Variants in CDC42SE1 observed in about 807,000 individuals in gnomAD.
CDC42SE1 encodes CDC42 small effector protein 1.
CDC42SE1 carries 10 observed loss-of-function variants against 10.9 expected under a neutral mutation model. That is an observed-to-expected ratio of 0.92 (90% CI 0.57 to 1.56). The LOEUF is 1.56. CDC42SE1 is among the 40% of genes most tolerant of loss of function. The pLI is 0.00. For missense variants in CDC42SE1, 81 were observed against 100.8 expected (o/e 0.80, Z 0.84); for synonymous variants, 24 against 32.0 (o/e 0.75, Z 0.85).
At chr1:151,056,221 G>A (rs1442529044) in intron 1 of CDC42SE1, among the ~76,000 whole-genome samples, 1 of 152,162 alleles carries the variant, frequency 6.6e-6, no homozygotes, top group East Asian at 1.9e-4. Context: ...GTGGTACCAA[G>A]GGAGAGGAAG....
chr1:151,054,718 G>T (rs923964231), intron 3 of CDC42SE1, among the ~76,000 whole-genome samples: 7 of 152,158 alleles, frequency 4.6e-5, no homozygotes, highest in African/African-American at 1.7e-4. Flanking sequence ...TGAGATAGCA[G>T]TTCTTAATTA....
rs373105300 is a variant in CDC42SE1 at position 151,055,142 on chromosome 1, A to G, written c.55-16T>C. 6.3e-7 allele frequency: 1 copy of G among 1,588,334 alleles called. No homozygotes were observed. The highest frequency in any genetic ancestry group is 1.3e-5 in the African/African-American group (1 of 74,194). The stretch of plus-strand genomic sequence containing the variant: ...TCTTCTTCTTCTGCTTGGAGAAGAT[A>G]AGGAGTCATGTCTTAAGGCCCCTCC... On this transcript the variant is annotated splice_polypyrimidine_tract_variant and intron_variant, in intron 2 of 4. Coordinates refer to ENST00000357235, the MANE Select transcript of CDC42SE1 (RefSeq NM_020239.4).
chr1:151,054,355 G>C, intron 3 of CDC42SE1, 34 bp from the exon 4 acceptor site: 1 of 1,511,854 alleles, frequency 6.6e-7, no homozygotes, highest in Non-Finnish European at 9.2e-7. Context: ...ACCTTCGTAA[G>C]TCTTCATATC....
intron 3 of CDC42SE1, 57 bp from the exon 4 acceptor site, chr1:151,054,378 C>A: frequency 7.2e-7 from 1 of 1,381,166 alleles, no homozygotes; most frequent in Non-Finnish European, 1.0e-6. Flanking sequence ...ACAGTAAGAA[C>A]TCTACTTTGT....
intron 1 of CDC42SE1, among the ~76,000 whole-genome samples, chr1:151,056,407 C>A (rs192116022): frequency 5.8e-4 from 88 of 152,252 alleles, no homozygotes; most frequent in Non-Finnish European, 4.7e-4. Context: ...TTCTCACAAA[C>A]AAGGTCTCCA....
rs956408316 is a variant in CDC42SE1 at position 151,057,040 on chromosome 1, G to A, written c.-263-1047C>T. ...AAGAACTTCCTCCCTTCTCACTACT[G>A]CCAGCCAGGGTAGGACACATCTGGG... is the stretch of plus-strand genomic sequence containing the variant. On this transcript the variant is annotated intron_variant, in intron 1 of 4. Coordinates refer to ENST00000357235, the MANE Select transcript of CDC42SE1 (RefSeq NM_020239.4). The surrounding 1 kb of genome is among the most constrained non-coding windows in gnomAD (Gnocchi z 4.0). 2.0e-5 allele frequency among the ~76,000 whole-genome samples: 3 copies of A among 152,178 alleles called. No individual in the cohort carries two copies. The highest frequency in any genetic ancestry group is 2.1e-4 in the South Asian group (1 of 4,832).
rs1676256818 is a variant in CDC42SE1, at chr1:151,055,133, G to A, written c.55-7C>T. ...TCCGTCTTCTCTTCTTCTTCTGCTT[G>A]GAGAAGATAAGGAGTCATGTCTTAA... On this transcript the variant is annotated splice_region_variant and splice_polypyrimidine_tract_variant and intron_variant, in intron 2 of 4. Transcript: ENST00000357235. 12 of 1,608,154 alleles carry A rather than the reference G, an allele frequency of 7.5e-6. No homozygotes were observed. In the East Asian group the frequency reaches 2.7e-4, roughly 36 times the overall value.
intron 1 of CDC42SE1, chr1:151,056,687 CTGTT>C (rs1676284191): frequency 6.6e-6 from 1 of 152,272 alleles, no homozygotes; most frequent in Non-Finnish European, 1.5e-5. Flanking sequence ...TGTGTACATT[CTGTT>C]TATCTGTGTC....
At chr1:151,054,959 A>C in intron 3 of CDC42SE1, 57 bp downstream of exon 3, 1 of 1,260,400 alleles carries the variant, frequency 7.9e-7, no homozygotes, top group East Asian at 2.3e-5. Flanking sequence ...ACTTTCAAAA[A>C]GAGGGAACGG....
rs1676176562 is a variant in CDC42SE1, at chr1:151,051,393, G to GGA, written c.*1950_*1951insTC. ...AATGGCAGAAAATACATGGAAATTT[G>GGA]AAAAAAAAAAAAAAAAAAAAAAAAA... On this transcript the variant is annotated 3_prime_UTR_variant, in exon 5 of 5. Coordinates refer to ENST00000357235, the MANE Select transcript of CDC42SE1 (RefSeq NM_020239.4). 2.9e-5 allele frequency: 1 copy of GGA among 34,100 alleles called. No individual in the cohort carries two copies. Among genetic ancestry groups the GGA allele is most frequent in the South Asian group, 1.9e-3 (1 of 516 alleles). 2.1% of individuals were successfully genotyped at this position (34,100 alleles called of 1,614,324 possible). A position where few individuals can be genotyped will look rare whatever the true frequency, so the allele number is the denominator to read the frequency against.
Position 151,055,126 on chromosome 1 carries a change from T to TCTG in CDC42SE1, c.55-3_55-1dup (p.Pro18_Lys19insGln). On this transcript the variant is annotated inframe_insertion and splice_region_variant. Transcript: ENST00000357235. ...CGGTCAATCCGTCTTCTCTTCTTCT[T>TCTG]CTGCTTGGAGAAGATAAGGAGTCAT... 2 of 1,608,792 alleles carry TCTG rather than the reference T, an allele frequency of 1.2e-6. No individual in the cohort carries two copies. Among genetic ancestry groups the TCTG allele is most frequent in the Non-Finnish European group, 1.7e-6 (2 of 1,175,762 alleles).
rs1676270887 is a variant in CDC42SE1 at position 151,055,997 on chromosome 1, G to A, written c.-263-4C>T. 2 of 519,866 alleles carry A rather than the reference G, an allele frequency of 3.8e-6. No individual in the cohort carries two copies. Among genetic ancestry groups the A allele is most frequent in the South Asian group, 4.7e-5 (2 of 42,128 alleles). The allele number at this position is 519,866 out of a possible 1,614,324, so 32.2% of individuals were successfully genotyped here. A position where few individuals can be genotyped will look rare whatever the true frequency, so the allele number is the denominator to read the frequency against. On this transcript the variant is annotated splice_region_variant and splice_polypyrimidine_tract_variant and intron_variant, in intron 1 of 4. Coordinates refer to ENST00000357235, the MANE Select transcript of CDC42SE1 (RefSeq NM_020239.4). ...TGTCTTCCTCAGACTCGGAACCCTG[G>A]ATTAGAAGAAAGTAAAAAGAAAGAT...
Position 151,055,938 on chromosome 1 carries a change from C to G in CDC42SE1, c.-208G>C. On this transcript the variant is annotated 5_prime_UTR_variant, in exon 2 of 5. Transcript: ENST00000357235. ...TCAGAGCCTGAGAGATGAACAGGAC[C>G]AGAGAGAGAGGTGGGCAGGCAGGCA... 1.7e-6 allele frequency: 1 copy of G among 589,328 alleles called. No individual in the cohort carries two copies. The highest frequency in any genetic ancestry group is 3.0e-6 in the Non-Finnish European group (1 of 328,014). 36.5% of individuals were successfully genotyped at this position (589,328 alleles called of 1,614,324 possible). A position where few individuals can be genotyped will look rare whatever the true frequency, so the allele number is the denominator to read the frequency against.
Position 151,059,557 on chromosome 1 carries a change from C to A in CDC42SE1, c.-342G>T, listed in dbSNP as rs1263267142. ...TCTGCTCCGTGGCCGCCAGTGTGGG[C>A]TTCCCGGGCTAGCTCTGCGGCGAGG... On this transcript the variant is annotated 5_prime_UTR_variant, in exon 1 of 5. Coordinates refer to ENST00000357235, the MANE Select transcript of CDC42SE1 (RefSeq NM_020239.4). The A allele has an allele frequency of 6.6e-6, 1 of 152,430 alleles. No homozygotes were observed. Among genetic ancestry groups the A allele is most frequent in the Non-Finnish European group, 1.5e-5 (1 of 68,196 alleles). 9.4% of individuals were successfully genotyped at this position (152,430 alleles called of 1,614,324 possible). A position where few individuals can be genotyped will look rare whatever the true frequency, so the allele number is the denominator to read the frequency against.
intron 1 of CDC42SE1, chr1:151,056,846 C>G (rs897846302): frequency 1.3e-5 from 2 of 152,342 alleles, no homozygotes; most frequent in African/African-American, 4.8e-5. Context: ...GAATATTTTC[C>G]CCACCGTCCA....
intron 4 of CDC42SE1, among the ~76,000 whole-genome samples, chr1:151,053,858 C>G (rs1168151043): frequency 1.3e-5 from 2 of 151,646 alleles, no homozygotes; most frequent in Admixed American, 6.6e-5. Context: ...GAGATAGAGT[C>G]TTGCTCTATC....
chr1:151,056,299 G>T (rs1016210610), intron 1 of CDC42SE1, among the ~76,000 whole-genome samples: 20 of 152,192 alleles, frequency 1.3e-4, no homozygotes, highest in African/African-American at 4.8e-4. Flanking sequence ...AATTAGCAAA[G>T]TTTGGGGTGA....
At position 151,052,265 on chromosome 1, in the gene CDC42SE1, AG is replaced by A. The variant is rs1232283516; in HGVS notation, c.*1078del. 1.3e-5 allele frequency: 2 copies of A among 152,342 alleles called. No homozygotes were observed. The highest frequency in any genetic ancestry group is 2.4e-5 in the African/African-American group (1 of 41,440). The allele number at this position is 152,342 out of a possible 1,614,324, so 9.4% of individuals were successfully genotyped here. A position where few individuals can be genotyped will look rare whatever the true frequency, so the allele number is the denominator to read the frequency against. On this transcript the variant is annotated 3_prime_UTR_variant, in exon 5 of 5. Transcript: ENST00000357235. ...AATAGGAAACAGGTTTTCCTTACAA[AG>A]AACACTTCAGCCCAAAATGTCAAAG...
intron 3 of CDC42SE1, 124 bp from the exon 4 acceptor site, chr1:151,054,445 C>T: frequency 1.3e-6 from 1 of 767,652 alleles, no homozygotes; most frequent in Non-Finnish European, 2.3e-6. Flanking sequence ...ATCTGCTAAC[C>T]ACCATTCCTC....
Sources: allele counts gnomAD v4.1 joint callset (sites outside exome capture counted in the v4.1 genomes callset), GRCh38; gene constraint gnomAD v4.1.1; non-coding constraint Gnocchi (gnomAD v3.1); transcripts MANE v1.5; gene names NCBI Gene and HGNC (gene_info 2026-07-23, HGNC 2026-07-21).